The following ZNF551 variants were observed in gnomAD, a reference collection of about 807,000 sequenced individuals.
ZNF551 encodes KOX 23 protein (56 AA).
Under a neutral mutation model 7.9 loss-of-function variants are expected in ZNF551, and 5 were observed. The observed-to-expected ratio is 0.63, with a 90% CI of 0.33 to 1.33. The LOEUF (loss-of-function observed/expected upper bound fraction) is 1.33, where lower values mean the gene tolerates loss of function less well. Among genes scored for constraint, ZNF551 ranks in the 40% most tolerant of loss-of-function variants. The pLI is 0.05. For missense variants in ZNF551, 788 were observed against 825.2 expected, an observed-to-expected ratio of 0.95 and a Z score of 0.55; for synonymous variants, 287 against 277.3, an observed-to-expected ratio of 1.03 and a Z score of -0.35.
In ZNF551 at chr19:57,688,424, T is replaced by A; in HGVS notation, c.*136T>A. ...TAAGTTTCAGGTATGTGGGAAGCTC[T>A]GAGGAGGTTCATTGTAATTTCTAAT... is the stretch of plus-strand genomic sequence containing the variant. On this transcript the variant is annotated 3_prime_UTR_variant, in exon 3 of 3. Transcript: ENST00000282296. The A allele has an allele frequency of 1.6e-6, 2 of 1,219,908 alleles. No homozygotes were observed. Among genetic ancestry groups the A allele is most frequent in the Non-Finnish European group, 2.3e-6 (2 of 887,438 alleles). 75.6% of individuals were successfully genotyped at this position (1,219,908 alleles called of 1,614,324 possible). A position where few individuals can be genotyped will look rare whatever the true frequency, so the allele number is the denominator to read the frequency against.
intron 1 of ZNF551, 26 bp downstream of exon 1, chr19:57,682,270 G>T (rs773196129): frequency 1.9e-6 from 3 of 1,547,516 alleles, no homozygotes; most frequent in Non-Finnish European, 8.7e-7. Flanking sequence ...TCCGGGTCTC[G>T]CCTACCTCCC....
At position 57,687,643 on chromosome 19, in the gene ZNF551, T is replaced by C; in HGVS notation, c.1368T>C (p.Phe456=). The stretch of plus-strand genomic sequence containing the variant: ...AATGCAGAGAATGTGGGAAATCCTT[T>C]AGACAATTCTCTAACCTCATTCGAC... ...PYECRECGKS[F]RQFSNLIRHR... Residue 456 remains phenylalanine, a synonymous_variant, in exon 3 of 3, where the codon TTT becomes TTC. Coordinates refer to ENST00000282296, the MANE Select transcript of ZNF551 (RefSeq NM_138347.5). 6.2e-7 allele frequency: 1 copy of C among 1,614,208 alleles called. No homozygotes were observed. Among genetic ancestry groups the C allele is most frequent in the Non-Finnish European group, 8.5e-7 (1 of 1,180,046 alleles).
At chr19:57,685,166 A>C in intron 1 of ZNF551, 96 bp from the exon 2 acceptor site, 1 of 1,538,748 alleles carries the variant, frequency 6.5e-7, no homozygotes, top group South Asian at 1.2e-5. Flanking sequence ...ATCTCCGCTG[A>C]GGTGGGCAAT....
In ZNF551 at chr19:57,687,523, A is replaced by C. The variant is rs1165939877; in HGVS notation, c.1248A>C (p.Glu416Asp). ...LIRHRRVHTGEMPYQCSDCGK... is the reference protein window; with the variant it reads ...LIRHRRVHTGDMPYQCSDCGK... ...GACATAGAAGAGTTCACACTGGAGA[A>C]ATGCCTTATCAGTGCAGTGATTGTG... The change falls in exon 3 of 3, where the codon GAA (glutamate) becomes GAC (aspartate). Residue 416 changes from glutamate (E) to aspartate (D), a missense_variant. Glu to Asp is a conservative substitution (Grantham distance 45, BLOSUM62 2). Coordinates refer to ENST00000282296, the MANE Select transcript of ZNF551 (RefSeq NM_138347.5). 6.2e-7 allele frequency: 1 copy of C among 1,614,206 alleles called. No individual in the cohort carries two copies. Among genetic ancestry groups the C allele is most frequent in the Admixed American group, 1.7e-5 (1 of 60,030 alleles).
chr19:57,684,744 A>G (rs982484815), intron 1 of ZNF551, among the ~76,000 whole-genome samples: 3 of 152,110 alleles, frequency 2.0e-5, no homozygotes, highest in African/African-American at 7.2e-5. Context: ...TGTCCCAATC[A>G]TGGAAAAGCT....
In ZNF551 at chr19:57,688,237, C is replaced by T; in HGVS notation, c.1962C>T (p.Arg654=). 1.2e-6 allele frequency: 2 copies of T among 1,614,172 alleles called. No individual in the cohort carries two copies. The highest frequency in any genetic ancestry group is 2.2e-5 in the East Asian group (1 of 44,878). The change falls in exon 3 of 3, where the codon CGC becomes CGT. Residue 654 remains arginine (R), a synonymous_variant. Transcript: ENST00000282296. ...GTGAATGTGGGAAATCCTTTAGCCGCAAATCTAACCTCATTCGACATCGGA... is the reference window on the plus strand; with the variant it reads ...GTGAATGTGGGAAATCCTTTAGCCGTAAATCTAACCTCATTCGACATCGGA... ...ECSECGKSFS[R]KSNLIRHRRV...
In ZNF551 at chr19:57,686,764, G is replaced by A. The variant is rs778592998; in HGVS notation, c.489G>A (p.Lys163=). Reference sequence around the variant, plus strand: ...ATGAAGAAGAGCCCTGGAAAAGGAAGGTGGATGAGGCTACATTTGTGACCG... The same window carrying A: ...ATGAAGAAGAGCCCTGGAAAAGGAAAGTGGATGAGGCTACATTTGTGACCG... ...HYNEEEPWKR[K]VDEATFVTGC... The change falls in exon 3 of 3, where the codon AAG becomes AAA. Residue 163 remains lysine, a synonymous_variant. Coordinates refer to ENST00000282296, the MANE Select transcript of ZNF551 (RefSeq NM_138347.5). The A allele has an allele frequency of 5.0e-6, 8 of 1,614,100 alleles. No individual in the cohort carries two copies. The highest frequency in any genetic ancestry group is 5.9e-6 in the Non-Finnish European group (7 of 1,180,052).
At chr19:57,683,995 G>A (rs1344051956) in intron 1 of ZNF551, among the ~76,000 whole-genome samples, 1 of 152,146 alleles carries the variant, frequency 6.6e-6, no homozygotes, top group African/African-American at 2.4e-5. Context: ...GGGGTAGAGA[G>A]CCACTGGGGT....
At chr19:57,685,828 G>A (rs1984536266) in intron 2 of ZNF551, among the ~76,000 whole-genome samples, 1 of 152,238 alleles carries the variant, frequency 6.6e-6, no homozygotes, top group African/African-American at 2.4e-5. Flanking sequence ...CCAGTGAGTG[G>A]CAGCTGGGGA....
In ZNF551 at chr19:57,690,372, T is replaced by TACACACACACACAC. The variant is rs67512913; in HGVS notation, c.*2101_*2114dup. On this transcript the variant is annotated 3_prime_UTR_variant, in exon 3 of 3. Coordinates refer to ENST00000282296, the MANE Select transcript of ZNF551 (RefSeq NM_138347.5). ...TTTCTGGAGTTTTTACTGAGATACA[T>TACACACACACACAC]ACACACACACACACACACACACACA... The TACACACACACACAC allele has an allele frequency of 8.0e-5, 12 of 149,094 alleles. No individual in the cohort carries two copies. The highest frequency in any genetic ancestry group is 2.2e-4 in the African/African-American group (9 of 40,752). The allele number at this position is 149,094 out of a possible 1,614,324, so 9.2% of individuals were successfully genotyped here. A position where few individuals can be genotyped will look rare whatever the true frequency, so the allele number is the denominator to read the frequency against.
In ZNF551 at chr19:57,687,464, G is replaced by A. The variant is rs560747510; in HGVS notation, c.1189G>A (p.Gly397Arg). 2.5e-6 allele frequency: 4 copies of A among 1,614,028 alleles called. No homozygotes were observed. Among genetic ancestry groups the A allele is most frequent in the Admixed American group, 1.7e-5 (1 of 60,010 alleles). The change falls in exon 3 of 3, where the codon GGG becomes AGG. Residue 397 changes from glycine (G) to arginine (R), a missense_variant. By Grantham distance (125) the Gly-to-Arg change is moderately radical (BLOSUM62 -2). Coordinates refer to ENST00000282296, the MANE Select transcript of ZNF551 (RefSeq NM_138347.5). ...GERPYQCCEC[G>R]KSFRQIFNLI... Reference sequence around the variant, plus strand: ...AAGGCCTTATCAGTGCTGTGAGTGTGGGAAATCCTTTAGACAAATCTTCAA... The same window carrying A: ...AAGGCCTTATCAGTGCTGTGAGTGTAGGAAATCCTTTAGACAAATCTTCAA...
chr19:57,686,719 C>T lies in ZNF551; in HGVS notation c.444C>T (p.His148=), dbSNP rs1984567422. Reference sequence around the variant, plus strand: ...GCTTCTGCTTCAGTGCTGACCTTCACCAGCATCAAAAGCATTACAATGAAG... The same window carrying T: ...GCTTCTGCTTCAGTGCTGACCTTCATCAGCATCAAAAGCATTACAATGAAG... The part of the protein sequence containing the change: ...MRGFCFSADL[H]QHQKHYNEEE... The change falls in exon 3 of 3, where the codon CAC becomes CAT. Residue 148 remains histidine (H), a synonymous_variant. Transcript: ENST00000282296. The T allele has an allele frequency of 6.2e-7, 1 of 1,614,176 alleles. No homozygotes were observed.
chr19:57,684,714 A>C (rs1023679669), intron 1 of ZNF551, among the ~76,000 whole-genome samples: 1 of 152,072 alleles, frequency 6.6e-6, no homozygotes, highest in Non-Finnish European at 1.5e-5. Context: ...CCTAGGAGAG[A>C]TACTCATAAT....
In ZNF551 at chr19:57,686,555, G is replaced by A; in HGVS notation, c.280G>A (p.Gly94Ser). Residue 94 changes from glycine (G) to serine (S), a missense_variant, in exon 3 of 3, where the codon GGC becomes AGC. Gly to Ser is a moderately conservative substitution (Grantham distance 56). Transcript: ENST00000282296. Reference protein sequence around the residue: ...SVSIQVRTSKGNTPTQKTHLS... With the variant: ...SVSIQVRTSKSNTPTQKTHLS... ...ATCTATACAGGTCAGGACTTCTAAGGGCAATACACCCACCCAGAAAACTCA... is the reference window on the plus strand; with the variant it reads ...ATCTATACAGGTCAGGACTTCTAAGAGCAATACACCCACCCAGAAAACTCA... The A allele has an allele frequency of 1.2e-6, 2 of 1,614,106 alleles. No individual in the cohort carries two copies. The highest frequency in any genetic ancestry group is 1.7e-6 in the Non-Finnish European group (2 of 1,180,036).
In ZNF551 at chr19:57,689,125, C is replaced by T. The variant is rs771994723; in HGVS notation, c.*837C>T. 3.9e-5 allele frequency: 6 copies of T among 152,138 alleles called. No homozygotes were observed. The highest frequency in any genetic ancestry group is 8.8e-5 in the Non-Finnish European group (6 of 68,038). 9.4% of individuals were successfully genotyped at this position (152,138 alleles called of 1,614,324 possible). A position where few individuals can be genotyped will look rare whatever the true frequency, so the allele number is the denominator to read the frequency against. ...GCCATTTTTGTCAGGTCAGAGGTCA[C>T]CATGAAAAGGAGGCAGTTGTGACAA... On this transcript the variant is annotated 3_prime_UTR_variant, in exon 3 of 3. Coordinates refer to ENST00000282296, the MANE Select transcript of ZNF551 (RefSeq NM_138347.5).
In ZNF551 at chr19:57,687,546, G is replaced by C. The variant is rs759758257; in HGVS notation, c.1271G>C (p.Cys424Ser). The change falls in exon 3 of 3, where the codon TGT becomes TCT. Residue 424 changes from cysteine to serine, a missense_variant. Cys to Ser is a moderately radical substitution (Grantham distance 112). Transcript: ENST00000282296. ...GAAATGCCTTATCAGTGCAGTGATT[G>C]TGGGAAATCTTTTAGCTGCAAATCG... is the stretch of plus-strand genomic sequence containing the variant. ...TGEMPYQCSD[C>S]GKSFSCKSEL... 13 of 1,614,238 alleles carry C rather than the reference G, an allele frequency of 8.1e-6. No individual in the cohort carries two copies. The South Asian group carries it at 1.4e-4, about 18-fold the overall frequency.
At position 57,687,995 on chromosome 19, in the gene ZNF551, C is replaced by T. The variant is rs1000223401; in HGVS notation, c.1720C>T (p.Leu574Phe). 3 of 1,614,162 alleles carry T rather than the reference C, an allele frequency of 1.9e-6. No individual in the cohort carries two copies. The highest frequency in any genetic ancestry group is 2.5e-6 in the Non-Finnish European group (3 of 1,180,026). ...AAAGTCTTTTAGCCAAAGTGCTAGC[C>T]TCATTCAACACCAGAGAGTTCACAC... is the stretch of plus-strand genomic sequence containing the variant. The part of the protein sequence containing the change: ...CGKSFSQSAS[L>F]IQHQRVHTGE... The change falls in exon 3 of 3, where the codon CTC (leucine) becomes TTC (phenylalanine). Residue 574 changes from leucine to phenylalanine, a missense_variant. Leu to Phe is a conservative substitution (Grantham distance 22, BLOSUM62 0). Coordinates refer to ENST00000282296, the MANE Select transcript of ZNF551 (RefSeq NM_138347.5).
Position 57,688,235 on chromosome 19 carries a change from C to T in ZNF551, c.1960C>T (p.Arg654Cys), listed in dbSNP as rs139249482. ...ECSECGKSFSRKSNLIRHRRV... is the reference protein window; with the variant it reads ...ECSECGKSFSCKSNLIRHRRV... ...CAGTGAATGTGGGAAATCCTTTAGC[C>T]GCAAATCTAACCTCATTCGACATCG... Residue 654 changes from arginine (R) to cysteine (C), a missense_variant, in exon 3 of 3, where the codon CGC becomes TGC. Arg to Cys is a radical substitution (Grantham distance 180, BLOSUM62 -3). Coordinates refer to ENST00000282296, the MANE Select transcript of ZNF551 (RefSeq NM_138347.5). 37 of 1,614,216 alleles carry T rather than the reference C, an allele frequency of 2.3e-5. No homozygotes were observed. The highest frequency in any genetic ancestry group is 6.7e-5 in the African/African-American group (5 of 75,042).
rs750813917 is a variant in ZNF551, at chr19:57,686,926, C to A, written c.651C>A (p.Phe217Leu). ...SSSSKHIQAF[F>L]NAKSYYKWGE... ...GCAGCAAGCATATACAGGCATTTTT[C>A]AATGCAAAAAGTTATTACAAGTGGG... The change falls in exon 3 of 3, where the codon TTC (phenylalanine) becomes TTA (leucine). Residue 217 changes from phenylalanine to leucine, a missense_variant. By Grantham distance (22) the Phe-to-Leu change is conservative. Coordinates refer to ENST00000282296, the MANE Select transcript of ZNF551 (RefSeq NM_138347.5). 1.2e-6 allele frequency: 2 copies of A among 1,613,976 alleles called. No individual in the cohort carries two copies. The highest frequency in any genetic ancestry group is 2.7e-5 in the African/African-American group (2 of 74,890).
Sources: allele counts gnomAD v4.1 joint callset (sites outside exome capture counted in the v4.1 genomes callset), GRCh38; gene constraint gnomAD v4.1.1; transcripts MANE v1.5; gene names NCBI Gene and HGNC (gene_info 2026-07-23, HGNC 2026-07-21).